ALPK1: variants seen among roughly 807,000 people sequenced by gnomAD.
ALPK1 encodes the protein alpha kinase 1.
A neutral mutation model predicts 120.6 loss-of-function variants in ALPK1; 110 were observed. The observed-to-expected ratio is 0.91, with a 90% CI of 0.78 to 1.07. The LOEUF (loss-of-function observed/expected upper bound fraction) is 1.07, where lower values mean the gene tolerates loss of function less well. Among genes scored for constraint, ALPK1 ranks in the 50% least tolerant of loss-of-function variants. ALPK1 has a pLI of 0.00. For missense variants in ALPK1, 1,498 were observed against 1,483.9 expected, an observed-to-expected ratio of 1.01 and a Z score of -0.16; for synonymous variants, 582 against 560.3, an observed-to-expected ratio of 1.04 and a Z score of -0.55.
chr4:112,409,616 T>C (rs17628268), intron 4 of ALPK1, among the ~76,000 whole-genome samples: 11,628 of 151,976 alleles, frequency 0.077, 635 homozygotes, highest in South Asian at 0.23. Flanking sequence ...AGACTTATGA[T>C]ATAGAGAAGT....
At position 112,432,121 on chromosome 4, in the gene ALPK1, C is replaced by G. The variant is rs774042329; in HGVS notation, c.2574C>G (p.Leu858=). 2 of 1,614,176 alleles carry G rather than the reference C, an allele frequency of 1.2e-6. No individual in the cohort carries two copies. The highest frequency in any genetic ancestry group is 8.5e-7 in the Non-Finnish European group (1 of 1,180,026). ...CAGTGGATGAGGAGGGGCAACTGCT[C>G]GACAGCATGGATGTTCCCTGCACAA... is the stretch of plus-strand genomic sequence containing the variant. ...ASTVDEEGQL[L]DSMDVPCTNG... is the part of the protein sequence containing the mutation. Residue 858 remains leucine (L), a synonymous_variant, in exon 11 of 16, where the codon CTC becomes CTG. Coordinates refer to ENST00000650871, the MANE Select transcript of ALPK1 (RefSeq NM_025144.4).
Position 112,306,781 on chromosome 4 carries a change from G to A in ALPK1, c.-152-9020G>A, listed in dbSNP as rs950387519. On this transcript the variant is annotated intron_variant, in intron 1 of 15. Transcript: ENST00000650871. ...TCTGCTCTGATCTTAGTTATTTCTT[G>A]CCTTCTGCTAGCTTTTGAATGTGTT... Among the ~76,000 whole-genome samples the A allele has an allele frequency of 3.8e-4, 57 of 151,796 alleles. 1 individual carries two copies. Among genetic ancestry groups the A allele is most frequent in the African/African-American group, 1.3e-3 (54 of 41,218 alleles).
intron 2 of ALPK1, among the ~76,000 whole-genome samples, chr4:112,376,199 G>A (rs965123388): frequency 2.6e-5 from 4 of 152,160 alleles, no homozygotes; most frequent in Admixed American, 6.5e-5. Flanking sequence ...CAGAGACACC[G>A]ACGGTTAGAC....
intron 2 of ALPK1, among the ~76,000 whole-genome samples, chr4:112,371,105 C>A (rs905247605): frequency 2.0e-5 from 3 of 152,110 alleles, no homozygotes; most frequent in Admixed American, 1.3e-4. Context: ...TGCATTTATT[C>A]CCCAGACAGC....
chr4:112,393,264 C>T (rs1291247931), intron 4 of ALPK1, among the ~76,000 whole-genome samples: 1 of 152,166 alleles, frequency 6.6e-6, no homozygotes, highest in Non-Finnish European at 1.5e-5. Flanking sequence ...GGCAGATAGG[C>T]TGCCATGGCC....
At chr4:112,332,414 T>A (rs553839303) in intron 2 of ALPK1, among the ~76,000 whole-genome samples, 1 of 152,344 alleles carries the variant, frequency 6.6e-6, no homozygotes, top group Non-Finnish European at 1.5e-5. Flanking sequence ...AGTTAGTAGA[T>A]CTCTGAACTT....
chr4:112,432,033 A>C lies in ALPK1; in HGVS notation c.2486A>C (p.Asn829Thr). Residue 829 changes from asparagine to threonine, a missense_variant, in exon 11 of 16, where the codon AAT becomes ACT. Asn to Thr is a moderately conservative substitution (Grantham distance 65). Transcript: ENST00000650871. Reference protein sequence around the residue: ...SSFTPNWPVQNPDSRKSGGPV... With the variant: ...SSFTPNWPVQTPDSRKSGGPV... ...TTCACCCCTAATTGGCCTGTTCAAA[A>C]TCCTGACTCCAGAAAAAGTGGTGGC... The C allele has an allele frequency of 6.2e-7, 1 of 1,613,974 alleles. No homozygotes were observed. The highest frequency in any genetic ancestry group is 8.5e-7 in the Non-Finnish European group (1 of 1,179,918).
chr4:112,307,939 C>G (rs1481740730), intron 1 of ALPK1, among the ~76,000 whole-genome samples: 1 of 152,030 alleles, frequency 6.6e-6, no homozygotes, highest in Non-Finnish European at 1.5e-5. Context: ...TTAGGGAAGG[C>G]CTGGTGGTGA....
intron 5 of ALPK1, among the ~76,000 whole-genome samples, chr4:112,418,758 C>T (rs1475836517): frequency 7.4e-6 from 1 of 135,446 alleles, no homozygotes; most frequent in Non-Finnish European, 1.6e-5. Flanking sequence ...AAAGTTACTC[C>T]CTGCATAGGA....
intron 1 of ALPK1, among the ~76,000 whole-genome samples, chr4:112,314,540 G>A (rs1728550479): frequency 6.6e-6 from 1 of 152,178 alleles, no homozygotes; most frequent in Admixed American, 6.5e-5. Flanking sequence ...TGGAAGAAAG[G>A]ATTTCAAGGA....
At chr4:112,326,485 T>G (rs201160145) in intron 2 of ALPK1, among the ~76,000 whole-genome samples, 1 of 152,136 alleles carries the variant, frequency 6.6e-6, no homozygotes, top group East Asian at 1.9e-4. Flanking sequence ...TGACACATAG[T>G]AGGCATTCAA....
At chr4:112,317,204 G>A (rs553208725) in intron 2 of ALPK1, among the ~76,000 whole-genome samples, 1 of 151,974 alleles carries the variant, frequency 6.6e-6, no homozygotes, top group Non-Finnish European at 1.5e-5. Context: ...TTTTCACTCT[G>A]CTGATTGTGC....
At chr4:112,433,057 C>G (rs1343280448) in intron 11 of ALPK1, among the ~76,000 whole-genome samples, 1 of 152,224 alleles carries the variant, frequency 6.6e-6, no homozygotes, top group Non-Finnish European at 1.5e-5. Context: ...CATTAGAATT[C>G]TATGGGGACA....
At chr4:112,365,370 C>T (rs1191851389) in intron 2 of ALPK1, among the ~76,000 whole-genome samples, 1 of 152,158 alleles carries the variant, frequency 6.6e-6, no homozygotes, top group Non-Finnish European at 1.5e-5. Flanking sequence ...TTTCAGGGTA[C>T]AAAATTAATG....
At chr4:112,428,877 A>T (rs980786197) in intron 9 of ALPK1, among the ~76,000 whole-genome samples, 4 of 152,228 alleles carry the variant, frequency 2.6e-5, no homozygotes, top group Non-Finnish European at 4.4e-5. Flanking sequence ...TCTGGCTTCA[A>T]AATGTGCAGT....
intron 2 of ALPK1, among the ~76,000 whole-genome samples, chr4:112,344,955 A>T (rs1347957009): frequency 6.6e-6 from 1 of 152,226 alleles, no homozygotes; most frequent in Non-Finnish European, 1.5e-5. Flanking sequence ...TCACCAGACT[A>T]CTTTTTCGTA....
chr4:112,301,931 G>GT, intron 1 of ALPK1, among the ~76,000 whole-genome samples: 1 of 152,064 alleles, frequency 6.6e-6, no homozygotes, highest in Middle Eastern at 3.4e-3. Context: ...TCCAATTACA[G>GT]TGTCTTTGTG....
At chr4:112,324,134 T>G (rs1055349297) in intron 2 of ALPK1, among the ~76,000 whole-genome samples, 1 of 152,162 alleles carries the variant, frequency 6.6e-6, no homozygotes, top group Non-Finnish European at 1.5e-5. Context: ...GAGACCATCC[T>G]GGCTAATACA....
chr4:112,398,178 CAA>C (rs1732749886), intron 4 of ALPK1, among the ~76,000 whole-genome samples: 1 of 151,920 alleles, frequency 6.6e-6, no homozygotes, highest in South Asian at 2.1e-4. Context: ...GGAGGATGAG[CAA>C]AGAGTCTGGA....
Sources: allele counts gnomAD v4.1 joint callset (sites outside exome capture counted in the v4.1 genomes callset), GRCh38; gene constraint gnomAD v4.1.1; transcripts MANE v1.5; gene names NCBI Gene and HGNC (gene_info 2026-07-23, HGNC 2026-07-21).